Variants in ARHGAP15 observed in about 807,000 individuals in gnomAD.
The protein encoded by ARHGAP15 is rho GTPase-activating protein 15.
A neutral mutation model predicts 63.7 loss-of-function variants in ARHGAP15; 51 were observed. The ratio of observed to expected loss-of-function variants is 0.80; its 90% confidence interval spans 0.64 to 1.01. The LOEUF (loss-of-function observed/expected upper bound fraction) is 1.01, where lower values mean the gene tolerates loss of function less well. Among genes scored for constraint, ARHGAP15 ranks in the 50% least tolerant of loss-of-function variants. The probability of loss-of-function intolerance (pLI) is 0.00; values close to 1 mark genes in which losing one functional copy is unlikely to be tolerated. For synonymous variants in ARHGAP15, 191 were observed against 193.8 expected (o/e 0.99, Z 0.12); for missense variants, 560 against 564.6 (o/e 0.99, Z 0.08).
intron 6 of ARHGAP15, among the ~76,000 whole-genome samples, chr2:143,273,276 A>T (rs1015473814): frequency 6.6e-6 from 1 of 151,406 alleles, no homozygotes; most frequent in Non-Finnish European, 1.5e-5. Flanking sequence ...CAAATTAGTT[A>T]AAAAAAAATT....
intron 6 of ARHGAP15, among the ~76,000 whole-genome samples, chr2:143,357,792 G>C (rs1297412876): frequency 6.6e-6 from 1 of 152,154 alleles, no homozygotes; most frequent in African/African-American, 2.4e-5. Flanking sequence ...GAATTAAAAA[G>C]TCGAATCAGA....
intron 10 of ARHGAP15, among the ~76,000 whole-genome samples, chr2:143,532,664 T>G (rs138061951): frequency 6.6e-6 from 1 of 152,282 alleles, no homozygotes; most frequent in East Asian, 1.9e-4. Context: ...GAGTACCGCA[T>G]GCAAAAACAA....
chr2:143,445,154 T>C (rs72853740), intron 8 of ARHGAP15, among the ~76,000 whole-genome samples: 70 of 2,230 alleles, frequency 0.031, no homozygotes, highest in South Asian at 0.03. Context: ...AGAACAATTA[T>C]TTTTTTTTTT....
At chr2:143,162,600 A>G (rs1690342083) in intron 2 of ARHGAP15, 1 of 152,046 alleles carries the variant, frequency 6.6e-6, no homozygotes, top group Non-Finnish European at 1.5e-5. Flanking sequence ...TGATGTTCAT[A>G]ATCAGTAATC....
chr2:143,525,456 G>C (rs1333645212), intron 10 of ARHGAP15, among the ~76,000 whole-genome samples: 1 of 133,094 alleles, frequency 7.5e-6, no homozygotes, highest in Non-Finnish European at 1.7e-5. Context: ...AGTGACCTAT[G>C]TTTTTGTTTT....
At chr2:143,628,716 C>T (rs1357922594) in intron 12 of ARHGAP15, among the ~76,000 whole-genome samples, 2 of 152,172 alleles carry the variant, frequency 1.3e-5, no homozygotes, top group Non-Finnish European at 2.9e-5. Flanking sequence ...CTCCACTCTT[C>T]CTTATCTGGT....
chr2:143,192,706 G>A (rs771535541), intron 2 of ARHGAP15, among the ~76,000 whole-genome samples: 7 of 152,130 alleles, frequency 4.6e-5, no homozygotes, highest in Non-Finnish European at 8.8e-5. Flanking sequence ...TTATTTCTGA[G>A]GTCTGAATAT....
chr2:143,622,447 G>C (rs1233958597), intron 11 of ARHGAP15, among the ~76,000 whole-genome samples: 2 of 152,122 alleles, frequency 1.3e-5, no homozygotes, highest in Non-Finnish European at 2.9e-5. Flanking sequence ...AACCCCATCA[G>C]GTCTCCCTTT....
Position 143,535,629 on chromosome 2 carries a change from A to G in ARHGAP15, c.925+16265A>G, listed in dbSNP as rs567466298. Among the ~76,000 whole-genome samples the G allele has an allele frequency of 2.6e-4, 39 of 152,336 alleles. No individual in the cohort carries two copies. In the South Asian group the frequency reaches 3.3e-3, roughly 13 times the overall value. On this transcript the variant is annotated intron_variant, in intron 10 of 13. Transcript: ENST00000295095. ...CAATGGCATAAAATCCAAGTCTTCA[A>G]ATTGATAATCTTTCATTTCTATCTC... is the stretch of plus-strand genomic sequence containing the variant.
At chr2:143,718,941 C>G (rs913973541) in intron 13 of ARHGAP15, among the ~76,000 whole-genome samples, 1 of 152,226 alleles carries the variant, frequency 6.6e-6, no homozygotes, top group Non-Finnish European at 1.5e-5. Context: ...TCTTAATCCC[C>G]ATTTTCTGGC....
chr2:143,593,359 G>A (rs905744438), intron 11 of ARHGAP15: 1 of 152,142 alleles, frequency 6.6e-6, no homozygotes, highest in African/African-American at 2.4e-5. Context: ...CCTTTGACCT[G>A]TGGCAAAGTA....
chr2:143,354,367 T>C (rs893301915), intron 6 of ARHGAP15, among the ~76,000 whole-genome samples: 1 of 152,162 alleles, frequency 6.6e-6, no homozygotes, highest in Admixed American at 6.6e-5. Flanking sequence ...CTAAGAGCCC[T>C]AAAAGTATGG....
intron 2 of ARHGAP15, among the ~76,000 whole-genome samples, chr2:143,170,210 C>T (rs1053482819): frequency 1.3e-5 from 2 of 152,050 alleles, no homozygotes; most frequent in Non-Finnish European, 2.9e-5. Context: ...GGAAAATCAC[C>T]TCTGCGTTTT....
intron 6 of ARHGAP15, among the ~76,000 whole-genome samples, chr2:143,389,206 T>C (rs928731202): frequency 2.0e-5 from 3 of 151,970 alleles, no homozygotes; most frequent in Non-Finnish European, 4.4e-5. Context: ...CATGCTGGTG[T>C]ATCTGGTGAA....
At chr2:143,733,475 T>C (rs1685627618) in intron 13 of ARHGAP15, among the ~76,000 whole-genome samples, 1 of 151,726 alleles carries the variant, frequency 6.6e-6, no homozygotes, top group African/African-American at 2.4e-5. Context: ...GGATTGAGGA[T>C]TTGGTACCCA....
At chr2:143,623,183 CTTTT>C (rs2105239223) in intron 11 of ARHGAP15, among the ~76,000 whole-genome samples, 1 of 152,304 alleles carries the variant, frequency 6.6e-6, no homozygotes, top group African/African-American at 2.4e-5. Context: ...ACCTCGCTTC[CTTTT>C]AATTTTATGT....
intron 6 of ARHGAP15, among the ~76,000 whole-genome samples, chr2:143,392,326 A>AAAATAT (rs1687569422): frequency 6.6e-6 from 1 of 152,186 alleles, no homozygotes; most frequent in Non-Finnish European, 1.5e-5. Context: ...TTATCCTGCC[A>AAAATAT]AGTCTTTTGT....
intron 8 of ARHGAP15, among the ~76,000 whole-genome samples, chr2:143,455,100 G>T (rs1276905370): frequency 6.6e-6 from 1 of 152,012 alleles, no homozygotes; most frequent in Non-Finnish European, 1.5e-5. Context: ...TATTAAGGAA[G>T]TAAAGGAATA....
chr2:143,554,308 G>C (rs184633234), intron 10 of ARHGAP15, among the ~76,000 whole-genome samples: 1 of 152,086 alleles, frequency 6.6e-6, no homozygotes, highest in African/African-American at 2.4e-5. Flanking sequence ...AACTTTGTTT[G>C]TTTGTGGTGG....
Sources: gnomAD v4.1 joint callset for allele counts (sites outside exome capture counted in the v4.1 genomes callset) on GRCh38, gnomAD v4.1.1 for gene constraint, MANE v1.5 for transcripts, NCBI Gene and HGNC (gene_info 2026-07-23, HGNC 2026-07-21) for gene names.